Variants in ZBTB40 observed in about 807,000 individuals in gnomAD.
The protein encoded by ZBTB40 is zinc finger and BTB domain containing 40, also known as zinc finger and BTB domain-containing protein 40.
In ZBTB40, 60 loss-of-function variants were observed where a neutral mutation model predicts 117.5. That is an observed-to-expected ratio of 0.51 (90% CI 0.41 to 0.63). The LOEUF is 0.63. Among genes scored for constraint, ZBTB40 ranks in the 30% least tolerant of loss-of-function variants. The pLI is 0.00. For missense variants in ZBTB40, 1,287 were observed against 1,498.5 expected (o/e 0.86, Z 2.33); for synonymous variants, 525 against 577.1 (o/e 0.91, Z 1.29).
chr1:22,491,646 ATT>A (rs75197070), intron 3 of ZBTB40, 113 bp downstream of exon 3: 1,695 of 966,856 alleles, frequency 1.8e-3, no homozygotes, highest in Non-Finnish European at 2.0e-3. Flanking sequence ...TGAAACTTTA[ATT>A]TTTTTTTTTT....
intron 1 of ZBTB40, among the ~76,000 whole-genome samples, chr1:22,482,230 A>G (rs72873513): frequency 0.03 from 4,577 of 152,290 alleles, 147 homozygotes; most frequent in Admixed American, 0.069. Context: ...AATGCCCAAC[A>G]ATATTAGGTA....
chr1:22,488,938 A>G (rs1638547756), intron 1 of ZBTB40, among the ~76,000 whole-genome samples: 1 of 151,984 alleles, frequency 6.6e-6, no homozygotes, highest in Non-Finnish European at 1.5e-5. Context: ...TGGATTTTGG[A>G]TATGTTTTGA....
rs748402949 is a variant in ZBTB40 at position 22,526,303 on chromosome 1, T to C, written c.3627T>C (p.Ser1209=). The C allele has an allele frequency of 2.5e-6, 4 of 1,614,192 alleles. No individual in the cohort carries two copies. The Admixed American group carries it at 6.7e-5, about 27-fold the overall frequency. The stretch of plus-strand genomic sequence containing the variant: ...AGGTGTTTGTGACGTTGCCAGATTC[T>C]CAGGCATCTCAGGCCAGCTCTGAGC... The part of the protein sequence containing the change: ...GSQVFVTLPD[S]QASQASSELV... The change falls in exon 18 of 18, where the codon TCT becomes TCC. Residue 1209 remains serine (S), a synonymous_variant. Transcript: ENST00000375647.
At chr1:22,452,172 G>A (rs1033104060) in intron 1 of ZBTB40, among the ~76,000 whole-genome samples, 168 bp downstream of exon 1, 5 of 152,130 alleles carry the variant, frequency 3.3e-5, no homozygotes, top group Non-Finnish European at 7.4e-5. Flanking sequence ...CCCCCTCCAG[G>A]GGCGGTCCGC....
intron 16 of ZBTB40, among the ~76,000 whole-genome samples, chr1:22,522,771 T>TTA (rs999337870): frequency 1.6e-5 from 2 of 124,656 alleles, no homozygotes; most frequent in South Asian, 6.2e-4. Context: ...CCATTTTTAT[T>TTA]TTTTTTTTTT....
chr1:22,499,625 T>A (rs552265275), intron 3 of ZBTB40, among the ~76,000 whole-genome samples: 1 of 152,354 alleles, frequency 6.6e-6, no homozygotes, highest in South Asian at 2.1e-4. Context: ...GCTAGTGATA[T>A]GTTGATGTGG....
At chr1:22,491,375 T>G (rs1370715598) in intron 2 of ZBTB40, 25 bp from the exon 3 acceptor site, 1 of 1,612,370 alleles carries the variant, frequency 6.2e-7, no homozygotes, top group Non-Finnish European at 8.5e-7. Flanking sequence ...AATTTCTGAT[T>G]TGTTTTATTT....
At chr1:22,430,504 T>C (rs1436239636) in intron 1 of ZBTB40, among the ~76,000 whole-genome samples, 1 of 152,048 alleles carries the variant, frequency 6.6e-6, no homozygotes, top group African/African-American at 2.4e-5. Flanking sequence ...GGTGGGAGGA[T>C]TGCTTGAGCC....
At chr1:22,442,695 A>G (rs1182604904) in intron 1 of ZBTB40, among the ~76,000 whole-genome samples, 2 of 152,180 alleles carry the variant, frequency 1.3e-5, no homozygotes, top group Non-Finnish European at 2.9e-5. Context: ...ATGCAGCTGC[A>G]GAGTATTCAG....
At chr1:22,464,366 G>A (rs565733098) in intron 1 of ZBTB40, among the ~76,000 whole-genome samples, 80 of 152,352 alleles carry the variant, frequency 5.3e-4, no homozygotes, top group African/African-American at 1.9e-3. Flanking sequence ...TACATGGGCA[G>A]TAATTTAAAG....
chr1:22,509,653 C>G (rs981913064), intron 9 of ZBTB40, among the ~76,000 whole-genome samples: 2 of 152,212 alleles, frequency 1.3e-5, no homozygotes, highest in Non-Finnish European at 2.9e-5. Context: ...CTGGCCAGAA[C>G]CAATATCTGT....
chr1:22,512,128 G>A lies in ZBTB40; in HGVS notation c.2455G>A (p.Ala819Thr), dbSNP rs1639257245. ...CDLCGREFAH[A>T]SGMQYHKLTE... ...CCTCTGTGGCAGAGAATTTGCCCAT[G>A]CCTCAGGTACGTTCAAGAAGGCAAA... Residue 819 changes from alanine (A) to threonine (T), a missense_variant, in exon 11 of 18, where the codon GCC (alanine) becomes ACC (threonine). Physicochemically the swap from Ala to Thr is moderately conservative, Grantham distance 58 (BLOSUM62 0). Transcript: ENST00000375647. The A allele has an allele frequency of 6.2e-7, 1 of 1,612,834 alleles. No individual in the cohort carries two copies.
At chr1:22,448,982 T>A (rs1029022774), upstream of ZBTB40, among the ~76,000 whole-genome samples, 1 of 151,958 alleles carries the variant, frequency 6.6e-6, no homozygotes, top group Non-Finnish European at 1.5e-5. Flanking sequence ...CCAACTAATT[T>A]TTTTTGTATT....
At chr1:22,483,078 CA>C (rs35793167) in intron 1 of ZBTB40, among the ~76,000 whole-genome samples, 1,892 of 129,038 alleles carry the variant, frequency 0.015, 42 homozygotes, top group Admixed American at 0.059. Context: ...GACTCCGTCT[CA>C]AAAAAAAAAA....
At chr1:22,507,620 G>A (rs1029999750) in intron 6 of ZBTB40, among the ~76,000 whole-genome samples, 1 of 152,190 alleles carries the variant, frequency 6.6e-6, no homozygotes, top group African/African-American at 2.4e-5. Context: ...CACACGCACA[G>A]CCTTGATTCG....
intron 6 of ZBTB40, 145 bp from the exon 7 acceptor site, chr1:22,507,856 G>A (rs938240896): frequency 2.6e-6 from 3 of 1,152,818 alleles, no homozygotes; most frequent in Non-Finnish European, 2.6e-6. Context: ...GAACATATGT[G>A]TATGAGGCCC....
intron 1 of ZBTB40, among the ~76,000 whole-genome samples, chr1:22,454,955 G>A (rs375357912): frequency 1.3e-5 from 2 of 152,158 alleles, no homozygotes; most frequent in African/African-American, 4.8e-5. Flanking sequence ...ATTAAGAATG[G>A]GGGAATCCAA....
At chr1:22,503,396 A>T (rs2124446735) in intron 5 of ZBTB40, among the ~76,000 whole-genome samples, 1 of 151,474 alleles carries the variant, frequency 6.6e-6, no homozygotes, top group African/African-American at 2.4e-5. Context: ...ATTGATTTCA[A>T]CTTTGTGCTA....
chr1:22,519,794 T>C (rs890351300), intron 13 of ZBTB40: 11 of 514,838 alleles, frequency 2.1e-5, no homozygotes, highest in African/African-American at 2.1e-4. Context: ...AGATGTAAAA[T>C]GAGGAATGGA....
Sources: allele counts gnomAD v4.1 joint callset (sites outside exome capture counted in the v4.1 genomes callset), GRCh38; gene constraint gnomAD v4.1.1; transcripts MANE v1.5; gene names NCBI Gene and HGNC (gene_info 2026-07-23, HGNC 2026-07-21).